PDS5B: variants seen among roughly 807,000 people sequenced by gnomAD.
PDS5B encodes PDS5 cohesin associated factor B, also known as sister chromatid cohesion protein PDS5 homolog B.
Under a neutral mutation model 184.1 loss-of-function variants are expected in PDS5B, and 51 were observed. That is an observed-to-expected ratio of 0.28 (90% confidence interval 0.22 to 0.35). PDS5B has a LOEUF of 0.35. Among genes scored for constraint, PDS5B ranks in the 10% least tolerant of loss-of-function variants. The probability of loss-of-function intolerance (pLI) is 1.00; values close to 1 mark genes in which losing one functional copy is unlikely to be tolerated. For synonymous variants in PDS5B, 566 were observed against 569.2 expected (o/e 0.99, Z 0.08); for missense variants, 1,180 against 1,723.3 (o/e 0.68, Z 5.58).
chr13:32,668,199 G>A (rs1427720518), intron 7 of PDS5B, among the ~76,000 whole-genome samples: 1 of 152,142 alleles, frequency 6.6e-6, no homozygotes, highest in Non-Finnish European at 1.5e-5. Context: ...TTGCTTACAG[G>A]TTTTTGGAGC....
At chr13:32,722,217 G>T (rs1024839299) in intron 19 of PDS5B, among the ~76,000 whole-genome samples, 1 of 152,204 alleles carries the variant, frequency 6.6e-6, no homozygotes, top group African/African-American at 2.4e-5. Context: ...CCAGTCAGGC[G>T]TGGCGGCGCA....
At chr13:32,626,038 C>A (rs941979265) in intron 1 of PDS5B, among the ~76,000 whole-genome samples, 1 of 152,018 alleles carries the variant, frequency 6.6e-6, no homozygotes, top group Non-Finnish European at 1.5e-5. Flanking sequence ...TGGGGTTTTG[C>A]CATGTTGGCC....
chr13:32,706,226 C>T (rs1952006179), intron 17 of PDS5B, among the ~76,000 whole-genome samples: 3 of 151,470 alleles, frequency 2.0e-5, no homozygotes, highest in Non-Finnish European at 4.4e-5. Context: ...TGCAGTGAAC[C>T]GAGATCACGC....
rs1395524780 is a variant in PDS5B at position 32,760,556 on chromosome 13, T to A, written c.3373-19T>A. ...TTGGCTTTAACCAAATAAAAAGAGATGTGCATTTCTCATTTCAGCCTAAAA... is the reference window on the plus strand; with the variant it reads ...TTGGCTTTAACCAAATAAAAAGAGAAGTGCATTTCTCATTTCAGCCTAAAA... On this transcript the variant is annotated intron_variant, in intron 29 of 34. Transcript: ENST00000315596. 2.5e-6 allele frequency: 4 copies of A among 1,610,178 alleles called. No homozygotes were observed. The highest frequency in any genetic ancestry group is 3.4e-6 in the Non-Finnish European group (4 of 1,178,524).
intron 10 of PDS5B, among the ~76,000 whole-genome samples, chr13:32,679,291 G>C (rs1373410189): frequency 1.3e-5 from 2 of 152,116 alleles, no homozygotes; most frequent in Non-Finnish European, 2.9e-5. Context: ...GTTTAGAATT[G>C]TCCTTAAACT....
chr13:32,590,729 C>A (rs2057760984), intron 1 of PDS5B, among the ~76,000 whole-genome samples: 1 of 152,076 alleles, frequency 6.6e-6, no homozygotes, highest in African/African-American at 2.4e-5. Flanking sequence ...AGGAAAGCTC[C>A]ATATCTCCAA....
At chr13:32,737,563 C>T (rs1319455454) in intron 21 of PDS5B, among the ~76,000 whole-genome samples, 1 of 152,168 alleles carries the variant, frequency 6.6e-6, no homozygotes, top group Non-Finnish European at 1.5e-5. Flanking sequence ...TGCAAATTCT[C>T]ACTGCTTTGG....
intron 19 of PDS5B, among the ~76,000 whole-genome samples, chr13:32,722,525 A>G (rs1474889600): frequency 6.6e-6 from 1 of 152,228 alleles, no homozygotes; most frequent in Non-Finnish European, 1.5e-5. Flanking sequence ...AGGTCATACC[A>G]TATAGGTATG....
chr13:32,741,843 T>G (rs1222483952), intron 22 of PDS5B, among the ~76,000 whole-genome samples: 1 of 151,990 alleles, frequency 6.6e-6, no homozygotes, highest in Non-Finnish European at 1.5e-5. Flanking sequence ...CACCTTTACA[T>G]CAATGAATGA....
At chr13:32,602,938 G>A (rs2058001294) in intron 1 of PDS5B, among the ~76,000 whole-genome samples, 1 of 152,136 alleles carries the variant, frequency 6.6e-6, no homozygotes, top group African/African-American at 2.4e-5. Context: ...TTTTGATGGG[G>A]TTGTTTGATT....
chr13:32,613,057 G>A (rs935845573), intron 1 of PDS5B, among the ~76,000 whole-genome samples: 3 of 152,146 alleles, frequency 2.0e-5, no homozygotes. Context: ...AAAGTTCACT[G>A]ATGTTTTAGC....
chr13:32,685,294 C>T (rs61943540), intron 11 of PDS5B, among the ~76,000 whole-genome samples: 2,004 of 152,226 alleles, frequency 0.013, 44 homozygotes, highest in Non-Finnish European at 0.022. Flanking sequence ...TTGAATATTT[C>T]GTTGTGGTAT....
chr13:32,706,898 A>G, intron 17 of PDS5B, 36 bp from the exon 18 acceptor site: 1 of 1,311,234 alleles, frequency 7.6e-7, no homozygotes, highest in Non-Finnish European at 1.1e-6. Flanking sequence ...ATTGCTAGTA[A>G]CATTTGAAAA....
chr13:32,662,174 C>G (rs1182478467), intron 6 of PDS5B, among the ~76,000 whole-genome samples: 1 of 151,930 alleles, frequency 6.6e-6, no homozygotes, highest in Non-Finnish European at 1.5e-5. Context: ...AAAAGAAAAC[C>G]AAGATAGCTT....
intron 1 of PDS5B, among the ~76,000 whole-genome samples, chr13:32,607,853 G>A (rs530343118): frequency 3.9e-5 from 6 of 152,370 alleles, no homozygotes; most frequent in African/African-American, 7.2e-5. Flanking sequence ...TGTGGGACCC[G>A]CTGAGCCAGG....
intron 21 of PDS5B, among the ~76,000 whole-genome samples, chr13:32,740,389 A>G (rs1467243671): frequency 2.0e-5 from 3 of 152,188 alleles, no homozygotes; most frequent in Non-Finnish European, 4.4e-5. Context: ...AATGAGTTAT[A>G]AACTGTGTGT....
At chr13:32,660,602 G>A (rs1950617139) in intron 6 of PDS5B, among the ~76,000 whole-genome samples, 1 of 152,136 alleles carries the variant, frequency 6.6e-6, no homozygotes, top group Admixed American at 6.5e-5. Flanking sequence ...GACACAAATC[G>A]AGTATCTAGC....
At chr13:32,764,364 T>G (rs1005019550) in intron 30 of PDS5B, 125 bp from the exon 31 acceptor site, 1 of 442,632 alleles carries the variant, frequency 2.3e-6, no homozygotes, top group African/African-American at 2.0e-5. Flanking sequence ...TATGGTAGAA[T>G]GAAACTGATT....
chr13:32,761,323 A>G (rs1052240239), intron 30 of PDS5B, among the ~76,000 whole-genome samples: 2 of 152,088 alleles, frequency 1.3e-5, no homozygotes, highest in Non-Finnish European at 2.9e-5. Flanking sequence ...CGTTTTTTTA[A>G]AAGTGTGTTT....
Sources: allele counts gnomAD v4.1 joint callset (sites outside exome capture counted in the v4.1 genomes callset), GRCh38; gene constraint gnomAD v4.1.1; transcripts MANE v1.5; gene names NCBI Gene and HGNC (gene_info 2026-07-23, HGNC 2026-07-21).